The following CSMD3 variants were observed in gnomAD, a reference collection of about 807,000 sequenced individuals.
CSMD3 encodes the protein CUB and Sushi multiple domains 3.
Under a neutral mutation model 435.2 loss-of-function variants are expected in CSMD3, and 177 were observed. That is an observed-to-expected ratio of 0.41 (90% CI 0.36 to 0.46). The LOEUF (loss-of-function observed/expected upper bound fraction) is 0.46, where lower values mean the gene tolerates loss of function less well. CSMD3 is among the 20% of genes least tolerant of loss of function. The pLI, the probability that CSMD3 is intolerant of heterozygous loss-of-function variation, is 0.34. For synonymous variants in CSMD3, 1,656 were observed against 1,520.5 expected (o/e 1.09, Z -2.07); for missense variants, 4,265 against 4,504.6 (o/e 0.95, Z 1.52).
At chr8:112,846,293 CTCTT>C (rs975633378) in intron 11 of CSMD3, among the ~76,000 whole-genome samples, 1 of 145,936 alleles carries the variant, frequency 6.9e-6, no homozygotes, top group Admixed American at 6.9e-5. Context: ...TTCTCTCTCT[CTCTT>C]TCTCCTTTCC....
In CSMD3 at chr8:112,900,049, A is replaced by AT. The variant is rs199630351; in HGVS notation, c.1633+21577dup. The stretch of plus-strand genomic sequence containing the variant: ...TCTCTGACTTGCTACAAGTGGACAC[A>AT]TTTTTTCCAATCATTCTATTAGTAA... On this transcript the variant is annotated intron_variant, in intron 10 of 70. Transcript: ENST00000297405. Among the ~76,000 whole-genome samples the AT allele has an allele frequency of 3.1e-3, 466 of 151,074 alleles. 4 individuals carry two copies. The highest frequency in any genetic ancestry group is 0.011 in the African/African-American group (446 of 41,298).
At chr8:113,415,441 C>T (rs554922911) in intron 1 of CSMD3, among the ~76,000 whole-genome samples, 48 of 152,136 alleles carry the variant, frequency 3.2e-4, no homozygotes, top group African/African-American at 1.1e-3. Flanking sequence ...AAAGCATCAA[C>T]GTAGAAAAAA....
chr8:112,502,689 T>A (rs1251802626), intron 30 of CSMD3, among the ~76,000 whole-genome samples: 4 of 152,152 alleles, frequency 2.6e-5, no homozygotes, highest in Admixed American at 2.6e-4. Flanking sequence ...AAAGTAAGAA[T>A]AAAGAGATCT....
Position 113,029,910 on chromosome 8 carries a change from TA to T in CSMD3, c.918-10732del, listed in dbSNP as rs1203476533. The stretch of plus-strand genomic sequence containing the variant: ...TCCTCCAGAAAGCTCCTAGAACTGA[TA>T]AAAAAAAATTCAGCAAAGTTTCCGC... On this transcript the variant is annotated intron_variant, in intron 5 of 70. Transcript: ENST00000297405. 8.6e-5 allele frequency among the ~76,000 whole-genome samples: 13 copies of T among 150,936 alleles called. No individual in the cohort carries two copies. The East Asian group carries it at 1.2e-3, about 14-fold the overall frequency.
intron 32 of CSMD3, among the ~76,000 whole-genome samples, chr8:112,434,511 T>C (rs1247725885): frequency 6.6e-6 from 1 of 152,146 alleles, no homozygotes; most frequent in Non-Finnish European, 1.5e-5. Context: ...ACTTATAATC[T>C]ATGCCACATA....
At chr8:112,636,075 T>G (rs1161435952) in intron 22 of CSMD3, among the ~76,000 whole-genome samples, 1 of 152,144 alleles carries the variant, frequency 6.6e-6, no homozygotes, top group Non-Finnish European at 1.5e-5. Flanking sequence ...GCAAGAAGTT[T>G]TTGGCCTTAA....
At chr8:113,416,452 C>T (rs541305759) in intron 1 of CSMD3, among the ~76,000 whole-genome samples, 57 of 152,198 alleles carry the variant, frequency 3.7e-4, no homozygotes, top group African/African-American at 1.3e-3. Flanking sequence ...ATTATTGCCT[C>T]TCTAAAACAG....
At chr8:112,371,259 C>T (rs1828364264) in intron 38 of CSMD3, among the ~76,000 whole-genome samples, 1 of 152,168 alleles carries the variant, frequency 6.6e-6, no homozygotes, top group African/African-American at 2.4e-5. Flanking sequence ...TCTTTTTCTC[C>T]TTAAAATATT....
intron 22 of CSMD3, among the ~76,000 whole-genome samples, chr8:112,636,157 T>G (rs2074651013): frequency 1.3e-5 from 2 of 152,106 alleles, no homozygotes; most frequent in Admixed American, 6.6e-5. Flanking sequence ...CATTTTTTTC[T>G]TTTTATCAGT....
At chr8:112,248,081 T>G (rs1221552808) in intron 63 of CSMD3, among the ~76,000 whole-genome samples, 1 of 152,038 alleles carries the variant, frequency 6.6e-6, no homozygotes, top group African/African-American at 2.4e-5. Context: ...TACATGTAGT[T>G]TTAATTCTGG....
chr8:112,585,171 T>G (rs896664880), intron 23 of CSMD3, among the ~76,000 whole-genome samples: 1 of 151,570 alleles, frequency 6.6e-6, no homozygotes, highest in Non-Finnish European at 1.5e-5. Flanking sequence ...CTTGCTGAAA[T>G]TGTTTTAAAG....
At chr8:113,257,134 C>G (rs545698997) in intron 3 of CSMD3, among the ~76,000 whole-genome samples, 1 of 152,116 alleles carries the variant, frequency 6.6e-6, no homozygotes, top group Admixed American at 6.5e-5. Flanking sequence ...ACGGGCCGGG[C>G]GCAGTGGCTC....
chr8:112,845,335 T>A (rs2080289222), intron 11 of CSMD3, among the ~76,000 whole-genome samples: 1 of 151,964 alleles, frequency 6.6e-6, no homozygotes. Context: ...CATGGGTCAG[T>A]TATGCAGAGT....
At chr8:112,301,695 A>G (rs1777050931) in intron 53 of CSMD3, 98 bp downstream of exon 53, 2 of 874,358 alleles carry the variant, frequency 2.3e-6, no homozygotes, top group South Asian at 2.8e-5. Context: ...TTACTGAATG[A>G]ATATAAATTA....
chr8:113,003,891 C>T (rs1430441719), intron 6 of CSMD3, among the ~76,000 whole-genome samples: 2 of 151,968 alleles, frequency 1.3e-5, no homozygotes, highest in Non-Finnish European at 2.9e-5. Context: ...ATCTCTATTA[C>T]TTCTGTGAAT....
chr8:113,309,486 T>C (rs2093850439), intron 2 of CSMD3: 1 of 152,220 alleles, frequency 6.6e-6, no homozygotes, highest in Admixed American at 6.5e-5. Flanking sequence ...ATGTGATATT[T>C]ACTTTTTTAT....
At chr8:112,529,693 T>C (rs915192419) in intron 27 of CSMD3, among the ~76,000 whole-genome samples, 1 of 152,088 alleles carries the variant, frequency 6.6e-6, no homozygotes, top group Non-Finnish European at 1.5e-5. Flanking sequence ...GATGGTGGTC[T>C]TCTCTGGTAC....
intron 22 of CSMD3, among the ~76,000 whole-genome samples, chr8:112,590,522 G>A (rs562528466): frequency 3.4e-4 from 52 of 152,202 alleles, no homozygotes; most frequent in African/African-American, 1.2e-3. Context: ...TTTGTGCAAG[G>A]TTGATCTAGA....
intron 38 of CSMD3, among the ~76,000 whole-genome samples, chr8:112,369,315 A>T (rs1285909404): frequency 6.6e-6 from 1 of 152,252 alleles, no homozygotes; most frequent in Admixed American, 6.5e-5. Context: ...GGAATAAAAA[A>T]TTTACAAAAA....
Sources: allele counts gnomAD v4.1 joint callset (sites outside exome capture counted in the v4.1 genomes callset), GRCh38; gene constraint gnomAD v4.1.1; transcripts MANE v1.5; gene names NCBI Gene and HGNC (gene_info 2026-07-23, HGNC 2026-07-21).